RPA3: variants seen among roughly 807,000 people sequenced by gnomAD.
RPA3 encodes replication protein A3.
In RPA3, 24 loss-of-function variants were observed where a neutral mutation model predicts 13.7. The observed-to-expected ratio is 1.75, with a 90% CI of 1.27 to 2.46. The LOEUF is 2.46. Ranked by LOEUF, RPA3 falls within the 30% of genes most tolerant of loss-of-function variation. The pLI, the probability that RPA3 is intolerant of heterozygous loss-of-function variation, is 0.00. For missense variants in RPA3, 183 were observed against 151.0 expected (o/e 1.21, Z -1.11); for synonymous variants, 59 against 51.2 (o/e 1.15, Z -0.65).
intron 4 of RPA3, chr7:7,673,294 A>G (rs1461878366): frequency 2.5e-6 from 3 of 1,180,704 alleles, no homozygotes; most frequent in African/African-American, 1.5e-5. Context: ...ACATTGTGTA[A>G]TGTTTCTATT....
At chr7:7,665,611 G>A (rs58764359) in intron 4 of RPA3, among the ~76,000 whole-genome samples, 3,420 of 152,208 alleles carry the variant, frequency 0.022, 138 homozygotes, top group African/African-American at 0.079. Context: ...AACAGTCACT[G>A]CTGTCAAGAT....
intron 4 of RPA3, among the ~76,000 whole-genome samples, chr7:7,674,534 G>T (rs1779690057): frequency 6.6e-6 from 1 of 152,184 alleles, no homozygotes; most frequent in Non-Finnish European, 1.5e-5. Flanking sequence ...CTGGGAGGTT[G>T]CTCAGAATTG....
intron 6 of RPA3, 78 bp from the exon 7 acceptor site, chr7:7,638,050 G>T: frequency 1.0e-6 from 1 of 978,078 alleles, no homozygotes; most frequent in Non-Finnish European, 1.6e-6. Context: ...TGTTATACAG[G>T]TTACTAATCT....
intron 2 of RPA3, among the ~76,000 whole-genome samples, chr7:7,698,719 T>C (rs935282104): frequency 1.3e-5 from 2 of 152,102 alleles, no homozygotes; most frequent in Non-Finnish European, 2.9e-5. Flanking sequence ...CTCTTAATAA[T>C]TACCTGCTCC....
intron 4 of RPA3, among the ~76,000 whole-genome samples, chr7:7,671,389 C>T (rs1779601670): frequency 6.6e-6 from 1 of 152,162 alleles, no homozygotes; most frequent in Non-Finnish European, 1.5e-5. Flanking sequence ...ACCGTTTTAT[C>T]CCAAGAGAAA....
intron 4 of RPA3, among the ~76,000 whole-genome samples, chr7:7,661,567 G>A (rs1390970510): frequency 1.3e-5 from 2 of 152,138 alleles, no homozygotes; most frequent in Admixed American, 1.3e-4. Flanking sequence ...AGGCCCGTGT[G>A]CTGCAGGTCT....
At chr7:7,637,736 TAA>T (rs530090790) in intron 7 of RPA3, 126 bp downstream of exon 7, 7,175 of 479,530 alleles carry the variant, frequency 0.015, no homozygotes, top group Non-Finnish European at 0.018. Flanking sequence ...TACAGTTATA[TAA>T]AACTGTATGT....
At chr7:7,677,749 CTGCAAGCTCT>C in intron 4 of RPA3, among the ~76,000 whole-genome samples, 1 of 140,616 alleles carries the variant, frequency 7.1e-6, no homozygotes, top group Non-Finnish European at 1.5e-5. Context: ...TCTCGGCTCA[CTGCAAGCTCT>C]GCCTCCCAGG....
At chr7:7,644,971 C>T (rs1012634962) in intron 4 of RPA3, among the ~76,000 whole-genome samples, 2 of 152,122 alleles carry the variant, frequency 1.3e-5, no homozygotes, top group African/African-American at 4.8e-5. Context: ...TAAAATCTTT[C>T]CAAAAGGTCT....
chr7:7,639,713 G>C (rs545186335), intron 5 of RPA3, among the ~76,000 whole-genome samples: 2 of 152,236 alleles, frequency 1.3e-5, no homozygotes, highest in Non-Finnish European at 2.9e-5. Flanking sequence ...TTAAGGAAGA[G>C]GATGTGTGGA....
chr7:7,678,168 G>A (rs1348262179), intron 4 of RPA3, among the ~76,000 whole-genome samples: 1 of 151,714 alleles, frequency 6.6e-6, no homozygotes, highest in Non-Finnish European at 1.5e-5. Context: ...CTCCATACTG[G>A]TCTTCATACT....
At chr7:7,656,304 AT>A (rs1423435714) in intron 4 of RPA3, among the ~76,000 whole-genome samples, 4 of 152,034 alleles carry the variant, frequency 2.6e-5, no homozygotes, top group African/African-American at 9.7e-5. Flanking sequence ...TTGTTCATGT[AT>A]TTAAAAAAAT....
In RPA3 at chr7:7,640,529, C is replaced by G. The variant is rs990160265; in HGVS notation, c.-111G>C. ...CGGCACCAATCAGCGAAGACTAGCG[C>G]TCCAGCTTCGCCAATTAAATGCGCG... is the stretch of plus-strand genomic sequence containing the variant. On this transcript the variant is annotated 5_prime_UTR_variant, in exon 5 of 8. Coordinates refer to ENST00000223129, the MANE Select transcript of RPA3 (RefSeq NM_002947.5). The G allele has an allele frequency of 1.4e-5, 14 of 971,112 alleles. No individual in the cohort carries two copies. The African/African-American group carries it at 1.6e-4, about 11-fold the overall frequency. The allele number at this position is 971,112 out of a possible 1,614,324, so 60.2% of individuals were successfully genotyped here. A position where few individuals can be genotyped will look rare whatever the true frequency, so the allele number is the denominator to read the frequency against.
chr7:7,651,995 T>G (rs551986991), intron 4 of RPA3, among the ~76,000 whole-genome samples: 3 of 152,250 alleles, frequency 2.0e-5, no homozygotes, highest in South Asian at 4.1e-4. Context: ...GACTTCTGAA[T>G]GGAAGTGGGA....
intron 4 of RPA3, among the ~76,000 whole-genome samples, chr7:7,677,669 T>TG (rs1563112417): frequency 3.0e-5 from 4 of 133,340 alleles, no homozygotes; most frequent in Non-Finnish European, 3.2e-5. Flanking sequence ...TTTTTGTTTT[T>TG]TTTTTTTTTT....
chr7:7,662,326 T>C (rs1785494731), intron 4 of RPA3, among the ~76,000 whole-genome samples: 1 of 152,036 alleles, frequency 6.6e-6, no homozygotes, highest in Non-Finnish European at 1.5e-5. Flanking sequence ...AATGGTTCTG[T>C]TTTGCTGGCG....
intron 5 of RPA3, 67 bp from the exon 6 acceptor site, chr7:7,639,211 A>C: frequency 8.4e-7 from 1 of 1,194,774 alleles, no homozygotes; most frequent in Non-Finnish European, 1.2e-6. Flanking sequence ...AGATGAGTAC[A>C]TTGATCCTTA....
chr7:7,645,813 T>G (rs1219223134), intron 4 of RPA3, among the ~76,000 whole-genome samples: 1 of 132,676 alleles, frequency 7.5e-6, no homozygotes, highest in East Asian at 2.0e-4. Flanking sequence ...TGTTTTTGTT[T>G]AGGATTTTTT....
chr7:7,693,653 T>G (rs1780234297), intron 2 of RPA3, among the ~76,000 whole-genome samples: 1 of 152,164 alleles, frequency 6.6e-6, no homozygotes, highest in Admixed American at 6.5e-5. Flanking sequence ...TCTATAACTT[T>G]TAGTGGATTG....
Sources: allele counts gnomAD v4.1 joint callset (sites outside exome capture counted in the v4.1 genomes callset), GRCh38; gene constraint gnomAD v4.1.1; transcripts MANE v1.5; gene names NCBI Gene and HGNC (gene_info 2026-07-23, HGNC 2026-07-21).